The following DBN1 variants were observed in gnomAD, a reference collection of about 807,000 sequenced individuals.
DBN1 encodes drebrin.
Under a neutral mutation model 83.5 loss-of-function variants are expected in DBN1, and 21 were observed. That is an observed-to-expected ratio of 0.25 (90% CI 0.18 to 0.36). DBN1 has a LOEUF of 0.36. Among genes scored for constraint, DBN1 ranks in the 10% least tolerant of loss-of-function variants. The probability of loss-of-function intolerance (pLI) is 1.00; values close to 1 mark genes in which losing one functional copy is unlikely to be tolerated. For missense variants in DBN1, 874 were observed against 935.7 expected (o/e 0.93, Z 0.86); for synonymous variants, 381 against 384.9 (o/e 0.99, Z 0.12).
intron 1 of DBN1, 29 bp from the exon 2 acceptor site, chr5:177,468,928 C>T: frequency 7.6e-7 from 1 of 1,307,408 alleles, no homozygotes; most frequent in Non-Finnish European, 9.8e-7. Context: ...GGCTGTCAAA[C>T]TGTCAGGGCC....
rs937316489 is a variant in DBN1, at chr5:177,466,880, C to T, written c.707+31G>A. The T allele has an allele frequency of 6.2e-6, 10 of 1,613,534 alleles. No homozygotes were observed. Among genetic ancestry groups the T allele is most frequent in the Admixed American group, 1.7e-5 (1 of 60,000 alleles). ...GCACCCGTCAGGGTGCGCCCGGGGG[C>T]CCCTGGAGCGCTCCGGGCGGGCAGG... On this transcript the variant is annotated intron_variant, in intron 7 of 14. Coordinates refer to ENST00000393565, the MANE Select transcript of DBN1 (RefSeq NM_001363541.2). This position sits in a 1 kb window ranked among gnomAD's most constrained non-coding sequence, Gnocchi z 4.8.
Position 177,457,171 on chromosome 5 carries a change from T to A in DBN1, c.*262A>T. The A allele has an allele frequency of 2.0e-6, 1 of 490,264 alleles. No homozygotes were observed. The highest frequency in any genetic ancestry group is 3.7e-6 in the Non-Finnish European group (1 of 272,920). The allele number at this position is 490,264 out of a possible 1,614,324, so 30.4% of individuals were successfully genotyped here. A position where few individuals can be genotyped will look rare whatever the true frequency, so the allele number is the denominator to read the frequency against. Reference sequence around the variant, plus strand: ...ACAATCTGGACCAGGGAAGGAGGGGTGGAATTTGCAACAGCGTCTCAACTA... The same window carrying A: ...ACAATCTGGACCAGGGAAGGAGGGGAGGAATTTGCAACAGCGTCTCAACTA... On this transcript the variant is annotated 3_prime_UTR_variant, in exon 15 of 15. Transcript: ENST00000393565.
intron 10 of DBN1, among the ~76,000 whole-genome samples, chr5:177,459,985 C>G (rs1371725660): frequency 6.6e-6 from 1 of 152,206 alleles, no homozygotes; most frequent in Non-Finnish European, 1.5e-5. Context: ...CACACTCAGA[C>G]CAGCAGACAG....
intron 1 of DBN1, among the ~76,000 whole-genome samples, chr5:177,469,147 G>A (rs569259134): frequency 1.1e-4 from 16 of 152,162 alleles, no homozygotes; most frequent in Non-Finnish European, 2.1e-4. Flanking sequence ...AGCTCAGTGC[G>A]CAGCATCCCG....
In DBN1 at chr5:177,457,282, G is replaced by T; in HGVS notation, c.*151C>A. On this transcript the variant is annotated 3_prime_UTR_variant, in exon 15 of 15. Coordinates refer to ENST00000393565, the MANE Select transcript of DBN1 (RefSeq NM_001363541.2). The stretch of plus-strand genomic sequence containing the variant: ...AAAGCTGTAAAAGTCAGGCCCTGTG[G>T]GTAGGGAAGCGGCCAAGTCCCCAGC... The T allele has an allele frequency of 1.4e-6, 1 of 696,956 alleles. No homozygotes were observed. Among genetic ancestry groups the T allele is most frequent in the Non-Finnish European group, 2.6e-6 (1 of 385,950 alleles). The allele number at this position is 696,956 out of a possible 1,614,324, so 43.2% of individuals were successfully genotyped here.
chr5:177,464,460 AAAT>A (rs1561683186), intron 8 of DBN1, among the ~76,000 whole-genome samples: 1 of 150,626 alleles, frequency 6.6e-6, no homozygotes, highest in East Asian at 1.9e-4. Flanking sequence ...AAATAAAAAT[AAAT>A]AAATAAATAA....
intron 10 of DBN1, among the ~76,000 whole-genome samples, chr5:177,460,107 G>A (rs889160131): frequency 1.3e-5 from 2 of 152,218 alleles, no homozygotes; most frequent in Admixed American, 6.5e-5. Flanking sequence ...AGCCCAGCAC[G>A]CATGCATTCC....
chr5:177,471,964 A>G (rs1204589478), intron 1 of DBN1, among the ~76,000 whole-genome samples: 1 of 152,048 alleles, frequency 6.6e-6, no homozygotes, highest in African/African-American at 2.4e-5. Context: ...GCTTCTCCCC[A>G]GGCGGGGCCT....
At position 177,459,080 on chromosome 5, in the gene DBN1, G is replaced by A; in HGVS notation, c.1264+18C>T. On this transcript the variant is annotated intron_variant, in intron 12 of 14. Transcript: ENST00000393565. ...ACTGATGATGGGAGGCCTGGTGCAG[G>A]TAGCATCCCTCTCTCACCTTGGGCT... 6.3e-7 allele frequency: 1 copy of A among 1,590,584 alleles called. No individual in the cohort carries two copies. Among genetic ancestry groups the A allele is most frequent in the Non-Finnish European group, 8.6e-7 (1 of 1,169,544 alleles).
intron 1 of DBN1, among the ~76,000 whole-genome samples, chr5:177,469,439 T>C (rs982115943): frequency 2.6e-5 from 4 of 152,072 alleles, no homozygotes; most frequent in East Asian, 3.9e-4. Flanking sequence ...GCATTCTCCT[T>C]GAACACAAAG....
intron 8 of DBN1, among the ~76,000 whole-genome samples, chr5:177,465,077 T>C (rs544773883): frequency 1.3e-5 from 2 of 152,262 alleles, no homozygotes; most frequent in South Asian, 2.1e-4. Context: ...GGTGTGAACC[T>C]GGGAGGCGGA....
At chr5:177,468,809 G>A in intron 2 of DBN1, 35 bp downstream of exon 2, 1 of 1,305,370 alleles carries the variant, frequency 7.7e-7, no homozygotes, top group South Asian at 3.0e-5. Flanking sequence ...AGGAGGGGGT[G>A]GAGAAGGCGG....
At chr5:177,470,764 A>G (rs1581737973) in intron 1 of DBN1, among the ~76,000 whole-genome samples, 1 of 152,256 alleles carries the variant, frequency 6.6e-6, no homozygotes, top group East Asian at 1.9e-4. Flanking sequence ...CCCCTCCCAG[A>G]GCACCCACCA....
At position 177,467,245 on chromosome 5, in the gene DBN1, G is replaced by C; in HGVS notation, c.555+10C>G. 1 of 1,614,108 alleles carries C rather than the reference G, an allele frequency of 6.2e-7. No individual in the cohort carries two copies. The highest frequency in any genetic ancestry group is 8.5e-7 in the Non-Finnish European group (1 of 1,179,974). The stretch of plus-strand genomic sequence containing the variant: ...GGTGGCTCAGCCAGGCCGGGCTCAG[G>C]GTTCCATACCTTGGCCTGCTCCCAG... On this transcript the variant is annotated intron_variant, in intron 6 of 14. Transcript: ENST00000393565. This position sits in a 1 kb window ranked among gnomAD's most constrained non-coding sequence, Gnocchi z 9.1.
intron 1 of DBN1, chr5:177,472,476 C>A: frequency 8.3e-7 from 1 of 1,199,944 alleles, no homozygotes; most frequent in East Asian, 4.3e-5. Flanking sequence ...CTTTTTCCAC[C>A]ACCCTGGGCC....
intron 1 of DBN1, chr5:177,472,132 GAGCTTGTCTCT>G: frequency 6.2e-7 from 1 of 1,611,718 alleles, no homozygotes; most frequent in Non-Finnish European, 8.5e-7. Flanking sequence ...CAGGACACGA[GAGCTTGTCTCT>G]CGCGTCCATC....
At position 177,457,175 on chromosome 5, in the gene DBN1, A is replaced by G. The variant is rs1344600723; in HGVS notation, c.*258T>C. 1.9e-6 allele frequency: 1 copy of G among 526,782 alleles called. No individual in the cohort carries two copies. Among genetic ancestry groups the G allele is most frequent in the Non-Finnish European group, 3.4e-6 (1 of 293,840 alleles). 32.6% of individuals were successfully genotyped at this position (526,782 alleles called of 1,614,324 possible). A position where few individuals can be genotyped will look rare whatever the true frequency, so the allele number is the denominator to read the frequency against. On this transcript the variant is annotated 3_prime_UTR_variant, in exon 15 of 15. Coordinates refer to ENST00000393565, the MANE Select transcript of DBN1 (RefSeq NM_001363541.2). ...TCTGGACCAGGGAAGGAGGGGTGGA[A>G]TTTGCAACAGCGTCTCAACTACCAA...
chr5:177,458,164 G>A lies in DBN1; in HGVS notation c.1808C>T (p.Pro603Leu). The change falls in exon 13 of 15, where the codon CCC becomes CTC. Residue 603 changes from proline to leucine, a missense_variant. This residue lies in a region of DBN1 where 725 missense variants were observed against 719.7 expected (regional missense o/e 1.01). Coordinates refer to ENST00000393565, the MANE Select transcript of DBN1 (RefSeq NM_001363541.2). Reference protein sequence around the residue: ...EEVEGESLAAPQTPTLPSALE... With the variant: ...EEVEGESLAALQTPTLPSALE... ...GGCTGAGGGCAGAGTTGGGGTCTGG[G>A]GGGCAGCCAGGGACTCCCCTTCCAC... The A allele has an allele frequency of 8.7e-6, 14 of 1,612,908 alleles. No homozygotes were observed. The highest frequency in any genetic ancestry group is 1.2e-5 in the Non-Finnish European group (14 of 1,179,722).
At chr5:177,460,297 G>A (rs1756923750) in intron 10 of DBN1, 135 bp downstream of exon 10, 3 of 1,315,178 alleles carry the variant, frequency 2.3e-6, no homozygotes, top group African/African-American at 1.4e-5. Context: ...GTGGTGGGCG[G>A]ATGCACGCTG....
Sources: allele counts gnomAD v4.1 joint callset (sites outside exome capture counted in the v4.1 genomes callset), GRCh38; gene constraint gnomAD v4.1.1; regional missense constraint gnomAD v4.1.1; non-coding constraint Gnocchi (gnomAD v3.1); transcripts MANE v1.5; gene names NCBI Gene and HGNC (gene_info 2026-07-23, HGNC 2026-07-21).